The following NHP2 variants were observed in gnomAD, a reference collection of about 807,000 sequenced individuals.
NHP2 encodes NHP2 ribonucleoprotein, also known as H/ACA ribonucleoprotein complex subunit 2.
Under a neutral mutation model 16.7 loss-of-function variants are expected in NHP2, and 10 were observed. That is an observed-to-expected ratio of 0.60 (90% confidence interval 0.37 to 1.01). NHP2 has a LOEUF of 1.01. Ranked by LOEUF, NHP2 falls within the 50% of genes least tolerant of loss-of-function variation. The pLI is 0.01. For synonymous variants in NHP2, 87 were observed against 78.9 expected (o/e 1.10, Z -0.54); for missense variants, 184 against 198.3 (o/e 0.93, Z 0.43).
Position 178,149,622 on chromosome 5 carries a change from C to T in NHP2, c.*91G>A, listed in dbSNP as rs1756207744. On this transcript the variant is annotated 3_prime_UTR_variant, in exon 4 of 4. Transcript: ENST00000274606. ...GTGCCTTGGGGAACTGGGAAGATGC[C>T]GTCAGTGTGGGTGGGCAGGAGGACA... The T allele has an allele frequency of 7.1e-6, 11 of 1,559,180 alleles. No homozygotes were observed. The Admixed American group carries it at 8.7e-5, about 12-fold the overall frequency.
chr5:178,150,981 CA>C lies in NHP2; in HGVS notation c.242del (p.Leu81TrpfsTer46). ...VNKGEKGIMVLAGDTLPIEVY... is the reference protein window; with the variant it reads ...VNKGEKGIMVXAGDTLPIEVY... Reference sequence around the variant, plus strand: ...CCTCAATGGGCAGTGTGTCTCCTGCCAAAACCATGATCCTGAAATGAGAGAA... The same window carrying C: ...CCTCAATGGGCAGTGTGTCTCCTGCCAAACCATGATCCTGAAATGAGAGAA... On this transcript the variant is annotated frameshift_variant, in exon 3 of 4. Transcript: ENST00000274606. LOFTEE classifies it high-confidence loss of function. 1 of 1,613,374 alleles carries C rather than the reference CA, an allele frequency of 6.2e-7. No homozygotes were observed. The highest frequency in any genetic ancestry group is 8.5e-7 in the Non-Finnish European group (1 of 1,179,718).
chr5:178,151,254 G>A (rs1756270764), intron 2 of NHP2, among the ~76,000 whole-genome samples: 1 of 152,238 alleles, frequency 6.6e-6, no homozygotes. Flanking sequence ...ACCAGGAGGT[G>A]ACACTTGAAC....
chr5:178,150,352 C>A (rs116996890), intron 3 of NHP2: 5,231 of 257,066 alleles, frequency 0.02, 62 homozygotes, highest in Middle Eastern at 0.05. Flanking sequence ...AGAAGTGATA[C>A]TGTAGGTACC....
In NHP2 at chr5:178,149,781, G is replaced by A. The variant is rs146766601; in HGVS notation, c.394C>T (p.His132Tyr). 142 of 1,613,950 alleles carry A rather than the reference G, an allele frequency of 8.8e-5. No homozygotes were observed. Among genetic ancestry groups the A allele is most frequent in the Non-Finnish European group, 1.1e-4 (132 of 1,179,970 alleles). ...TCGTAAGCCTCCTGGTACTCCTCATGGGGCTTGACCATTATCACACAGGTG... is the reference window on the plus strand; with the variant it reads ...TCGTAAGCCTCCTGGTACTCCTCATAGGGCTTGACCATTATCACACAGGTG... ...RPTCVIMVKP[H>Y]EEYQEAYDEC... Residue 132 changes from histidine (H) to tyrosine (Y), a missense_variant, in exon 4 of 4, where the codon CAT becomes TAT. By Grantham distance (83) the His-to-Tyr change is moderately conservative. Transcript: ENST00000274606.
At chr5:178,152,206 TAAA>T (rs1342894561) in intron 2 of NHP2, among the ~76,000 whole-genome samples, 1 of 152,078 alleles carries the variant, frequency 6.6e-6, no homozygotes, top group Non-Finnish European at 1.5e-5. Context: ...TAAAAAATAA[TAAA>T]AATTATGTCA....
chr5:178,151,511 G>A (rs1238214089), intron 2 of NHP2, among the ~76,000 whole-genome samples: 2 of 152,192 alleles, frequency 1.3e-5, no homozygotes, highest in Non-Finnish European at 2.9e-5. Flanking sequence ...GGGGGGCAAG[G>A]GCCTCAGGAG....
At chr5:178,151,259 T>C (rs1208503862) in intron 2 of NHP2, among the ~76,000 whole-genome samples, 4 of 152,146 alleles carry the variant, frequency 2.6e-5, no homozygotes, top group African/African-American at 9.7e-5. Flanking sequence ...GAGGTGACAC[T>C]TGAACAGCAC....
In NHP2 at chr5:178,153,209, G is replaced by C. The variant is rs1055238382; in HGVS notation, c.230+282C>G. On this transcript the variant is annotated intron_variant, in intron 2 of 3. Coordinates refer to ENST00000274606, the MANE Select transcript of NHP2 (RefSeq NM_017838.4). ...GGCCGGAGGTAATCTGAGGCAAGGA[G>C]CGGAGCCCGGGGAGGAGGGTCCCTG... The C allele has an allele frequency of 2.8e-5, 14 of 507,834 alleles. No individual in the cohort carries two copies. The Admixed American group carries it at 4.4e-4, about 16-fold the overall frequency. 31.5% of individuals were successfully genotyped at this position (507,834 alleles called of 1,614,324 possible).
rs1756203142 is a variant in NHP2, at chr5:178,149,496, A to G, written c.*217T>C. The G allele has an allele frequency of 1.8e-6, 1 of 563,798 alleles. No homozygotes were observed. Among genetic ancestry groups the G allele is most frequent in the East Asian group, 3.3e-5 (1 of 29,952 alleles). 34.9% of individuals were successfully genotyped at this position (563,798 alleles called of 1,614,324 possible). ...TTAGCATTTACTTTCCCCACCCCAC[A>G]TTCTTGGAACAGCCTTTAGTTCTAC... On this transcript the variant is annotated 3_prime_UTR_variant, in exon 4 of 4. Coordinates refer to ENST00000274606, the MANE Select transcript of NHP2 (RefSeq NM_017838.4).
chr5:178,151,010 C>T lies in NHP2; in HGVS notation c.231-17G>A. The T allele has an allele frequency of 6.3e-7, 1 of 1,587,226 alleles. No individual in the cohort carries two copies. Among genetic ancestry groups the T allele is most frequent in the Non-Finnish European group, 8.6e-7 (1 of 1,156,974 alleles). Reference sequence around the variant, plus strand: ...ACCATGATCCTGAAATGAGAGAAAACACTGTCATCTCTGGCTTGCTCCTTC... The same window carrying T: ...ACCATGATCCTGAAATGAGAGAAAATACTGTCATCTCTGGCTTGCTCCTTC... On this transcript the variant is annotated splice_polypyrimidine_tract_variant and intron_variant, in intron 2 of 3. Transcript: ENST00000274606.
Position 178,153,580 on chromosome 5 carries a change from G to C in NHP2, c.161-20C>G. 1 of 1,613,448 alleles carries C rather than the reference G, an allele frequency of 6.2e-7. No homozygotes were observed. Among genetic ancestry groups the C allele is most frequent in the Non-Finnish European group, 8.5e-7 (1 of 1,179,358 alleles). On this transcript the variant is annotated intron_variant, in intron 1 of 3. Transcript: ENST00000274606. ...TCACCGCTGCAACGACAGAAGAGTCGGTCGGGGGCCTCGCTCAGCCACCCG... is the reference window on the plus strand; with the variant it reads ...TCACCGCTGCAACGACAGAAGAGTCCGTCGGGGGCCTCGCTCAGCCACCCG...
intron 3 of NHP2, 30 bp downstream of exon 3, chr5:178,150,858 A>G: frequency 2.1e-6 from 3 of 1,427,644 alleles, no homozygotes; most frequent in South Asian, 2.3e-5. Flanking sequence ...CCCAGTGCTG[A>G]GCAAGGTCAG....
rs915209156 is a variant in NHP2 at position 178,153,781 on chromosome 5, C to A, written c.37G>T (p.Ala13Ser). 3 of 1,612,412 alleles carry A rather than the reference C, an allele frequency of 1.9e-6. No individual in the cohort carries two copies. In the African/African-American group the frequency reaches 4.0e-5, roughly 22 times the overall value. ...KIKADPDGPE[A>S]QAEACSGERT... ...TCCCCGGAACACGCCTCCGCCTGAG[C>A]CTCGGGCCCGTCGGGATCTGCCTTT... is the stretch of plus-strand genomic sequence containing the variant. Residue 13 changes from alanine (A) to serine (S), a missense_variant, in exon 1 of 4, where the codon GCT (alanine) becomes TCT (serine). Ala to Ser is a moderately conservative substitution (Grantham distance 99). Transcript: ENST00000274606.
In NHP2 at chr5:178,149,612, G is replaced by A; in HGVS notation, c.*101C>T. ...GGAAGAAGGCGTGCCTTGGGGAACTGGGAAGATGCCGTCAGTGTGGGTGGG... is the reference window on the plus strand; with the variant it reads ...GGAAGAAGGCGTGCCTTGGGGAACTAGGAAGATGCCGTCAGTGTGGGTGGG... On this transcript the variant is annotated 3_prime_UTR_variant, in exon 4 of 4. Coordinates refer to ENST00000274606, the MANE Select transcript of NHP2 (RefSeq NM_017838.4). The A allele has an allele frequency of 6.6e-7, 1 of 1,520,140 alleles. No individual in the cohort carries two copies. Among genetic ancestry groups the A allele is most frequent in the Non-Finnish European group, 9.0e-7 (1 of 1,106,514 alleles). 94.2% of individuals were successfully genotyped at this position (1,520,140 alleles called of 1,614,324 possible).
chr5:178,152,896 G>A (rs977130798), intron 2 of NHP2, among the ~76,000 whole-genome samples: 8 of 152,332 alleles, frequency 5.3e-5, no homozygotes, highest in East Asian at 3.9e-4. Context: ...AGACCAGCCC[G>A]GGCAACATGG....
At chr5:178,152,163 C>T (rs561329710) in intron 2 of NHP2, among the ~76,000 whole-genome samples, 2 of 152,296 alleles carry the variant, frequency 1.3e-5, no homozygotes, top group Admixed American at 1.3e-4. Flanking sequence ...CCTCTCTAAT[C>T]CTTTCTTCAA....
chr5:178,151,716 G>A (rs985294638), intron 2 of NHP2, among the ~76,000 whole-genome samples: 1 of 152,082 alleles, frequency 6.6e-6, no homozygotes, highest in Admixed American at 6.5e-5. Context: ...TCTCCTCTCA[G>A]GACCTTCTTC....
intron 3 of NHP2, chr5:178,150,504 C>T: frequency 2.7e-6 from 1 of 364,144 alleles, no homozygotes; most frequent in Non-Finnish European, 5.4e-6. Flanking sequence ...TTTAGCCTCC[C>T]AAGTGGCTGG....
chr5:178,153,635 G>GGCC, intron 1 of NHP2, 23 bp downstream of exon 1: 2 of 1,611,984 alleles, frequency 1.2e-6, no homozygotes, highest in Non-Finnish European at 1.7e-6. Flanking sequence ...CACCCATCCC[G>GGCC]GCCACGCCGC....
Sources: allele counts gnomAD v4.1 joint callset (sites outside exome capture counted in the v4.1 genomes callset), GRCh38; gene constraint gnomAD v4.1.1; transcripts MANE v1.5; gene names NCBI Gene and HGNC (gene_info 2026-07-23, HGNC 2026-07-21).